The following RARB variants were observed in gnomAD, a reference collection of about 807,000 sequenced individuals.
RARB encodes retinoic acid receptor beta.
A neutral mutation model predicts 51.9 loss-of-function variants in RARB; 17 were observed. The ratio of observed to expected loss-of-function variants is 0.33; its 90% confidence interval spans 0.22 to 0.49. RARB has a LOEUF of 0.49. Ranked by LOEUF, RARB falls within the 20% of genes least tolerant of loss-of-function variation. RARB has a pLI of 0.99. For synonymous variants in RARB, 215 were observed against 195.4 expected, an observed-to-expected ratio of 1.10 and a Z score of -0.84; for missense variants, 369 against 550.8, an observed-to-expected ratio of 0.67 and a Z score of 3.30.
At chr3:25,171,204 C>G (rs937749925) in intron 4 of RARB, among the ~76,000 whole-genome samples, 2 of 152,032 alleles carry the variant, frequency 1.3e-5, no homozygotes, top group African/African-American at 4.8e-5. Context: ...CTGTCTTCCA[C>G]TCAGCTCCTG....
intron 2 of RARB, among the ~76,000 whole-genome samples, chr3:24,954,294 C>T (rs1264869807): frequency 6.6e-6 from 1 of 152,108 alleles, no homozygotes; most frequent in East Asian, 1.9e-4. Context: ...CATCATGTGT[C>T]CACTGGTGTG....
chr3:25,221,504 C>T (rs1701947552), intron 5 of RARB, among the ~76,000 whole-genome samples: 1 of 152,162 alleles, frequency 6.6e-6, no homozygotes, highest in Non-Finnish European at 1.5e-5. Flanking sequence ...CCTCCTTTGT[C>T]ATCATGTTTT....
intron 2 of RARB, among the ~76,000 whole-genome samples, chr3:25,003,718 A>G (rs1575114313): frequency 1.3e-5 from 2 of 152,174 alleles, no homozygotes; most frequent in African/African-American, 4.8e-5. Context: ...CTGAAGATGG[A>G]TGGAAGTTAC....
intron 5 of RARB, among the ~76,000 whole-genome samples, chr3:25,314,501 G>A (rs1704369745): frequency 6.6e-6 from 1 of 152,118 alleles, no homozygotes; most frequent in Non-Finnish European, 1.5e-5. Flanking sequence ...TGCAACCAAT[G>A]AGTCTGTCAT....
chr3:25,200,278 C>A (rs1030102595), intron 5 of RARB, among the ~76,000 whole-genome samples: 1 of 149,608 alleles, frequency 6.7e-6, no homozygotes, highest in African/African-American at 2.4e-5. Context: ...CATTTGCCCA[C>A]TTTCTGGTGG....
At chr3:25,312,868 A>G (rs1704324295) in intron 5 of RARB, among the ~76,000 whole-genome samples, 7 of 152,124 alleles carry the variant, frequency 4.6e-5, no homozygotes, top group Admixed American at 4.6e-4. Context: ...CAATCTCACC[A>G]TTCCCTGTTG....
In RARB at chr3:25,225,920, G is replaced by C. The variant is rs1345346940; in HGVS notation, c.178+51345G>C. 2.0e-5 allele frequency among the ~76,000 whole-genome samples: 3 copies of C among 152,148 alleles called. No individual in the cohort carries two copies. In the East Asian group the frequency reaches 5.8e-4, roughly 29 times the overall value. On this transcript the variant is annotated intron_variant, in intron 5 of 11. Transcript: ENST00000383772. ...TACAGATTTTTGCGTTGCAAAGTTTGTTTGGTCATCTTCCAAATAAGGATG... is the reference window on the plus strand; with the variant it reads ...TACAGATTTTTGCGTTGCAAAGTTTCTTTGGTCATCTTCCAAATAAGGATG...
intron 4 of RARB, among the ~76,000 whole-genome samples, chr3:25,139,954 T>C (rs1700083874): frequency 6.6e-6 from 1 of 152,204 alleles, no homozygotes; most frequent in African/African-American, 2.4e-5. Flanking sequence ...GCACATCTGT[T>C]TGCAGCCAGG....
chr3:25,113,621 C>G (rs1470532069), intron 3 of RARB, among the ~76,000 whole-genome samples: 1 of 152,132 alleles, frequency 6.6e-6, no homozygotes, highest in Non-Finnish European at 1.5e-5. Context: ...TGATAATCAC[C>G]ACTGAGTGCT....
At chr3:24,872,345 C>T (rs1415702038) in intron 2 of RARB, among the ~76,000 whole-genome samples, 1 of 152,198 alleles carries the variant, frequency 6.6e-6, no homozygotes, top group African/African-American at 2.4e-5. Flanking sequence ...ATCCACTTTC[C>T]TAATCCCCTC....
intron 4 of RARB, among the ~76,000 whole-genome samples, chr3:25,150,985 A>G (rs982518294): frequency 1.3e-5 from 2 of 152,218 alleles, no homozygotes; most frequent in Admixed American, 6.5e-5. Context: ...GCTAATCTAT[A>G]CAATATTTTC....
At chr3:25,537,925 T>C (rs1469157445) in intron 3 of RARB, among the ~76,000 whole-genome samples, 2 of 152,310 alleles carry the variant, frequency 1.3e-5, no homozygotes, top group South Asian at 4.1e-4. Context: ...GGTCAGTTTA[T>C]CCAAGTAGAA....
rs144988334 is a variant in RARB at position 25,020,620 on chromosome 3, G to A, written c.-379-39505G>A. ...AGCCCTTTCTTTTTTTAAAAAAAAG[G>A]CAAAGAAATGTAATATGGTGTTTGA... On this transcript the variant is annotated intron_variant, in intron 2 of 11. Coordinates refer to the RARB transcript ENST00000383772. 2.9e-3 allele frequency among the ~76,000 whole-genome samples: 444 copies of A among 151,892 alleles called. 2 individuals carry two copies. The highest frequency in any genetic ancestry group is 0.01 in the African/African-American group (414 of 41,400).
At chr3:25,035,626 C>T (rs1013985616) in intron 2 of RARB, among the ~76,000 whole-genome samples, 5 of 152,154 alleles carry the variant, frequency 3.3e-5, no homozygotes, top group Non-Finnish European at 5.9e-5. Flanking sequence ...AACTATGTGT[C>T]TGTACAGCAG....
intron 5 of RARB, among the ~76,000 whole-genome samples, chr3:25,420,990 C>CAAAAAAAAAAAA (rs376170107): frequency 1.6e-5 from 1 of 62,414 alleles, no homozygotes; most frequent in Non-Finnish European, 3.3e-5. Context: ...ACCACTTATG[C>CAAAAAAAAAAAA]CAAAAAAAAA....
intron 4 of RARB, among the ~76,000 whole-genome samples, chr3:25,145,953 G>T (rs1473028487): frequency 6.6e-6 from 1 of 151,730 alleles, no homozygotes; most frequent in Non-Finnish European, 1.5e-5. Context: ...AGTGAGGTGA[G>T]ATCACGCCAC....
intron 5 of RARB, among the ~76,000 whole-genome samples, chr3:25,313,886 G>A (rs535619457): frequency 2.0e-5 from 3 of 152,048 alleles, no homozygotes; most frequent in Non-Finnish European, 2.9e-5. Context: ...CCTGGGCAAC[G>A]TAGTGAGACC....
intron 5 of RARB, among the ~76,000 whole-genome samples, chr3:25,266,087 A>C (rs1703118750): frequency 6.6e-6 from 1 of 152,134 alleles, no homozygotes. Flanking sequence ...TCCAGGATCA[A>C]TTCACTCTTA....
At chr3:24,940,745 G>T (rs574555123) in intron 2 of RARB, among the ~76,000 whole-genome samples, 1 of 152,142 alleles carries the variant, frequency 6.6e-6, no homozygotes, top group Admixed American at 6.5e-5. Context: ...GACAGGAAGT[G>T]GGGAAAGCAT....
Sources: gnomAD v4.1 joint callset for allele counts (sites outside exome capture counted in the v4.1 genomes callset) on GRCh38, gnomAD v4.1.1 for gene constraint, MANE v1.5 for transcripts, NCBI Gene and HGNC (gene_info 2026-07-23, HGNC 2026-07-21) for gene names.